The following PCSK2 variants were observed in gnomAD, a reference collection of about 807,000 sequenced individuals.
PCSK2 encodes proprotein convertase subtilisin/kexin type 2.
PCSK2 carries 14 observed loss-of-function variants against 69.7 expected under a neutral mutation model. The ratio of observed to expected loss-of-function variants is 0.20; its 90% CI spans 0.13 to 0.31. PCSK2 has a LOEUF of 0.31. Ranked by LOEUF, PCSK2 falls within the 10% of genes least tolerant of loss-of-function variation. PCSK2 has a pLI of 1.00. For missense variants in PCSK2, 544 were observed against 842.5 expected, an observed-to-expected ratio of 0.65 and a Z score of 4.39; for synonymous variants, 307 against 320.7, an observed-to-expected ratio of 0.96 and a Z score of 0.46.
intron 5 of PCSK2, among the ~76,000 whole-genome samples, chr20:17,384,271 A>G (rs933566767): frequency 6.6e-6 from 1 of 152,096 alleles, no homozygotes; most frequent in Non-Finnish European, 1.5e-5. Flanking sequence ...TCTGTATTTA[A>G]GTGACTACAT....
chr20:17,377,227 G>A (rs1185429899), intron 5 of PCSK2, among the ~76,000 whole-genome samples: 2 of 152,164 alleles, frequency 1.3e-5, no homozygotes, highest in Non-Finnish European at 1.5e-5. Context: ...CTTTGGTTCC[G>A]TTCAAAATTT....
intron 7 of PCSK2, among the ~76,000 whole-genome samples, chr20:17,430,686 C>T (rs1484056860): frequency 6.6e-6 from 1 of 152,140 alleles, no homozygotes; most frequent in Non-Finnish European, 1.5e-5. Flanking sequence ...TGTCAGGAGC[C>T]ATTATGAGCT....
At chr20:17,383,647 TAAAAA>T in intron 5 of PCSK2, among the ~76,000 whole-genome samples, 1 of 143,178 alleles carries the variant, frequency 7.0e-6, no homozygotes, top group East Asian at 1.9e-4. Flanking sequence ...TTTTGAAAAA[TAAAAA>T]AAAGAAAAAG....
At chr20:17,291,767 A>G (rs534959144) in intron 2 of PCSK2, among the ~76,000 whole-genome samples, 2 of 152,208 alleles carry the variant, frequency 1.3e-5, no homozygotes, top group Admixed American at 6.5e-5. Context: ...CTTTTCTCAC[A>G]GAAATGGAAT....
chr20:17,478,036 A>G (rs2033322302), intron 11 of PCSK2, among the ~76,000 whole-genome samples: 1 of 152,170 alleles, frequency 6.6e-6, no homozygotes, highest in Admixed American at 6.5e-5. Context: ...AAAATTTACT[A>G]CTTGTATAGA....
rs1007365408 is a variant in PCSK2 at position 17,482,105 on chromosome 20, C to A, written c.*35C>A. On this transcript the variant is annotated 3_prime_UTR_variant, in exon 12 of 12. Coordinates refer to ENST00000262545, the MANE Select transcript of PCSK2 (RefSeq NM_002594.5). ...TCCGCCTTTCCCACCGCCCTCCCTC[C>A]CCAGCTCCGCCTCTGTCCTCGCTCC... 3.3e-6 allele frequency: 5 copies of A among 1,522,316 alleles called. No homozygotes were observed. In the South Asian group the frequency reaches 6.5e-5, roughly 20 times the overall value. The allele number at this position is 1,522,316 out of a possible 1,614,324, so 94.3% of individuals were successfully genotyped here. A position where few individuals can be genotyped will look rare whatever the true frequency, so the allele number is the denominator to read the frequency against.
intron 9 of PCSK2, among the ~76,000 whole-genome samples, chr20:17,455,010 C>T (rs1353129482): frequency 5.9e-5 from 9 of 152,136 alleles, no homozygotes; most frequent in Admixed American, 5.9e-4. Context: ...TCCTCCCAAA[C>T]AGAAGGGGGC....
intron 11 of PCSK2, among the ~76,000 whole-genome samples, chr20:17,475,051 G>A (rs190743775): frequency 6.6e-6 from 1 of 151,942 alleles, no homozygotes; most frequent in East Asian, 2.0e-4. Flanking sequence ...TATTGAGGGA[G>A]GGCTTTTCAG....
rs73253482 is a variant in PCSK2 at position 17,237,168 on chromosome 20, T to G, written c.177+9686T>G. On this transcript the variant is annotated intron_variant, in intron 1 of 11. Transcript: ENST00000262545. ...AGAATAGGTAAATTGGAAATAACAG[T>G]GAGAGAGATGAAAGGGAGAGAGCTA... is the stretch of plus-strand genomic sequence containing the variant. 3.2e-3 allele frequency among the ~76,000 whole-genome samples: 488 copies of G among 152,064 alleles called. 4 individuals are homozygous for G. Among genetic ancestry groups the G allele is most frequent in the African/African-American group, 0.011 (452 of 41,464 alleles).
chr20:17,456,483 G>A lies in PCSK2; in HGVS notation c.1202+35G>A, dbSNP rs747811868. On this transcript the variant is annotated intron_variant, in intron 10 of 11. Coordinates refer to ENST00000262545, the MANE Select transcript of PCSK2 (RefSeq NM_002594.5). Reference sequence around the variant, plus strand: ...TAGCTCTGGGTCCAGGGCCAGCTCTGCAGGGTGGACTAACACGTGTCTCTC... The same window carrying A: ...TAGCTCTGGGTCCAGGGCCAGCTCTACAGGGTGGACTAACACGTGTCTCTC... 6 of 1,181,756 alleles carry A rather than the reference G, an allele frequency of 5.1e-6. No individual in the cohort carries two copies. In the African/African-American group the frequency reaches 6.1e-5, roughly 12 times the overall value. 73.2% of individuals were successfully genotyped at this position (1,181,756 alleles called of 1,614,324 possible). A position where few individuals can be genotyped will look rare whatever the true frequency, so the allele number is the denominator to read the frequency against.
At chr20:17,260,481 A>C (rs556171980) in intron 2 of PCSK2, 137 bp downstream of exon 2, 7 of 642,170 alleles carry the variant, frequency 1.1e-5, no homozygotes, top group African/African-American at 1.1e-4. Flanking sequence ...AATGCTTTGC[A>C]GAGTCATATC....
chr20:17,418,427 G>A (rs1039314229), intron 6 of PCSK2, among the ~76,000 whole-genome samples: 8 of 152,140 alleles, frequency 5.3e-5, no homozygotes, highest in Non-Finnish European at 1.0e-4. Context: ...GGGAGGTGCA[G>A]GATATGTTCA....
chr20:17,481,565 C>T lies in PCSK2; in HGVS notation c.1431-19C>T, dbSNP rs750028782. 1 of 1,609,610 alleles carries T rather than the reference C, an allele frequency of 6.2e-7. No homozygotes were observed. Among genetic ancestry groups the T allele is most frequent in the Non-Finnish European group, 8.5e-7 (1 of 1,177,464 alleles). On this transcript the variant is annotated intron_variant, in intron 11 of 11. Coordinates refer to ENST00000262545, the MANE Select transcript of PCSK2 (RefSeq NM_002594.5). ...CACCCACCACTGCTTATCCTATCTC[C>T]TCTTCACTCTGCCCTCAGGAAAATA...
At chr20:17,442,778 TTTTACGC>T (rs1363171200) in intron 8 of PCSK2, among the ~76,000 whole-genome samples, 3 of 152,140 alleles carry the variant, frequency 2.0e-5, no homozygotes, top group Non-Finnish European at 4.4e-5. Context: ...AATAAAGCCC[TTTTACGC>T]CCCCTTCAGG....
chr20:17,331,227 T>G (rs563722769), intron 2 of PCSK2, among the ~76,000 whole-genome samples: 2 of 152,340 alleles, frequency 1.3e-5, no homozygotes, highest in African/African-American at 2.4e-5. Context: ...CTGATCACAC[T>G]TCCTTCATAA....
intron 5 of PCSK2, among the ~76,000 whole-genome samples, chr20:17,379,387 T>C (rs1306930318): frequency 6.6e-6 from 1 of 152,138 alleles, no homozygotes; most frequent in Non-Finnish European, 1.5e-5. Context: ...CCAATTACAG[T>C]TTTCTGAAGC....
chr20:17,303,533 AT>A lies in PCSK2; in HGVS notation c.282+43191del, dbSNP rs1989216819. Among the ~76,000 whole-genome samples the A allele has an allele frequency of 2.6e-4, 11 of 42,986 alleles. 1 individual carries two copies. The Admixed American group carries it at 2.7e-3, about 11-fold the overall frequency. The allele number at this position is 42,986 out of a possible 152,430, so 28.2% of individuals were successfully genotyped here. A position where few individuals can be genotyped will look rare whatever the true frequency, so the allele number is the denominator to read the frequency against. ...TTATATATAATATAATATATATTATATTATATATAATATGATATAATATATA... is the reference window on the plus strand; with the variant it reads ...TTATATATAATATAATATATATTATATATATATAATATGATATAATATATA... On this transcript the variant is annotated intron_variant, in intron 2 of 11. Coordinates refer to ENST00000262545, the MANE Select transcript of PCSK2 (RefSeq NM_002594.5).
At chr20:17,234,449 G>A (rs181442658) in intron 1 of PCSK2, among the ~76,000 whole-genome samples, 110 of 152,276 alleles carry the variant, frequency 7.2e-4, no homozygotes, top group Non-Finnish European at 7.4e-5. Flanking sequence ...AACTGTTCCT[G>A]TAGAATCCAT....
At chr20:17,339,451 G>A (rs890285209) in intron 2 of PCSK2, among the ~76,000 whole-genome samples, 1 of 139,540 alleles carries the variant, frequency 7.2e-6, no homozygotes, top group Non-Finnish European at 1.5e-5. Context: ...TAGCATTGCA[G>A]GCCCAGCCCA....
Sources: gnomAD v4.1 joint callset for allele counts (sites outside exome capture counted in the v4.1 genomes callset) on GRCh38, gnomAD v4.1.1 for gene constraint, MANE v1.5 for transcripts, NCBI Gene and HGNC (gene_info 2026-07-23, HGNC 2026-07-21) for gene names.